The following C1QTNF3 variants were observed in gnomAD, a reference collection of about 807,000 sequenced individuals.
C1QTNF3 encodes C1q and TNF related 3, also known as complement C1q tumor necrosis factor-related protein 3.
A neutral mutation model predicts 32.6 loss-of-function variants in C1QTNF3; 26 were observed. That is an observed-to-expected ratio of 0.80 (90% confidence interval 0.58 to 1.11). The LOEUF (loss-of-function observed/expected upper bound fraction) is 1.11. C1QTNF3 is among the 50% of genes least tolerant of loss of function. The pLI is 0.00. For missense variants in C1QTNF3, 362 were observed against 398.2 expected, an observed-to-expected ratio of 0.91 and a Z score of 0.77; for synonymous variants, 155 against 146.0, an observed-to-expected ratio of 1.06 and a Z score of -0.44.
At chr5:34,213,368 C>T in the C1QTNF3 span, among the ~76,000 whole-genome samples, 4 of 151,736 alleles carry the variant, frequency 2.6e-5, no homozygotes, top group Admixed American at 6.6e-5. Context: ...TTAATGATTG[C>T]GTAAATATTT....
In C1QTNF3 at chr5:34,018,910, T is replaced by G. The variant is rs542703580; in HGVS notation, c.*1673A>C. On this transcript the variant is annotated 3_prime_UTR_variant, in exon 6 of 6. Transcript: ENST00000382065. ...GGAAGACCGAGGCAGGCAGATCACCTGAGGTCAGGAGTTCCAGACCGGCCT... is the reference window on the plus strand; with the variant it reads ...GGAAGACCGAGGCAGGCAGATCACCGGAGGTCAGGAGTTCCAGACCGGCCT... 6.6e-6 allele frequency among the ~76,000 whole-genome samples: 1 copy of G among 152,162 alleles called. No homozygotes were observed. Among genetic ancestry groups the G allele is most frequent in the South Asian group, 2.1e-4 (1 of 4,822 alleles).
upstream of C1QTNF3, among the ~76,000 whole-genome samples, chr5:34,047,303 G>A (rs577435369): frequency 3.9e-5 from 6 of 152,400 alleles, no homozygotes; most frequent in East Asian, 1.2e-3. Context: ...AGGTGCAGAT[G>A]CATATGAATA....
chr5:34,119,742 G>A, the C1QTNF3 span, among the ~76,000 whole-genome samples: 77,753 of 151,918 alleles, frequency 0.51, 22,015 homozygotes, highest in Non-Finnish European at 0.63. Context: ...AACCAGCTAC[G>A]GACAGTTGAG....
chr5:34,202,803 T>G, the C1QTNF3 span, among the ~76,000 whole-genome samples: 7 of 149,058 alleles, frequency 4.7e-5, no homozygotes, highest in Admixed American at 1.3e-4. Flanking sequence ...CAGTTTTTTG[T>G]TTTTTTTTTC....
At chr5:34,211,432 GCA>G in the C1QTNF3 span, among the ~76,000 whole-genome samples, 4 of 151,624 alleles carry the variant, frequency 2.6e-5, no homozygotes, top group Non-Finnish European at 5.9e-5. Flanking sequence ...GGGTACATGT[GCA>G]CAGTGTGCAG....
At chr5:34,102,989 TAAAAC>T in the C1QTNF3 span, among the ~76,000 whole-genome samples, 1 of 144,162 alleles carries the variant, frequency 6.9e-6, no homozygotes, top group Non-Finnish European at 1.6e-5. Context: ...ATTAAAAAAA[TAAAAC>T]AAAATGCCTC....
chr5:34,198,339 C>T, the C1QTNF3 span, among the ~76,000 whole-genome samples: 1 of 95,936 alleles, frequency 1.0e-5, no homozygotes, highest in South Asian at 3.6e-4. Flanking sequence ...CCAAAAGCTC[C>T]ACCTCCTACT....
the C1QTNF3 span, among the ~76,000 whole-genome samples, chr5:34,203,601 G>T: frequency 6.6e-6 from 1 of 151,428 alleles, no homozygotes; most frequent in Non-Finnish European, 1.5e-5. Flanking sequence ...CAGGAGAATC[G>T]CTTGAACCTG....
chr5:34,165,190 C>T, the C1QTNF3 span: 1 of 152,082 alleles, frequency 6.6e-6, no homozygotes, highest in Non-Finnish European at 1.5e-5. Flanking sequence ...GGCCTTTGGC[C>T]TCTGACTGAG....
the C1QTNF3 span, among the ~76,000 whole-genome samples, chr5:34,215,191 A>T: frequency 2.3e-4 from 35 of 152,294 alleles, no homozygotes; most frequent in East Asian, 6.4e-3. Context: ...AACCTTCAAC[A>T]TTACTTCACT....
chr5:34,149,576 T>C, the C1QTNF3 span, among the ~76,000 whole-genome samples: 1 of 2,250 alleles, frequency 4.4e-4, no homozygotes, highest in African/African-American at 2.5e-3. Context: ...AAAAGAATTT[T>C]CAACCCAGAA....
intron 5 of C1QTNF3, among the ~76,000 whole-genome samples, chr5:34,022,871 T>G (rs1193545721): frequency 1.3e-5 from 2 of 152,196 alleles, no homozygotes; most frequent in Non-Finnish European, 2.9e-5. Context: ...TTGTTTTGTT[T>G]TTGAGATGGA....
chr5:34,107,118 C>T, the C1QTNF3 span, among the ~76,000 whole-genome samples: 2 of 78,150 alleles, frequency 2.6e-5, no homozygotes, highest in South Asian at 3.9e-4. Context: ...GCATTTTAGA[C>T]TTCAATGGCG....
At chr5:34,069,438 C>G in the C1QTNF3 span, among the ~76,000 whole-genome samples, 1 of 152,106 alleles carries the variant, frequency 6.6e-6, no homozygotes, top group Non-Finnish European at 1.5e-5. Flanking sequence ...ATACTATCCC[C>G]TCTGTCACAA....
At chr5:34,108,388 T>C in the C1QTNF3 span, among the ~76,000 whole-genome samples, 1 of 152,294 alleles carries the variant, frequency 6.6e-6, no homozygotes, top group Non-Finnish European at 1.5e-5. Context: ...CTCTTATTTA[T>C]TGTGCTCTCC....
chr5:34,063,284 CTT>C, the C1QTNF3 span, among the ~76,000 whole-genome samples: 4 of 117,002 alleles, frequency 3.4e-5, no homozygotes, highest in East Asian at 2.1e-4. Context: ...TTCTCTCTCT[CTT>C]CCCTCTCTCT....
the C1QTNF3 span, among the ~76,000 whole-genome samples, chr5:34,177,486 T>TTA: frequency 3.9e-4 from 55 of 140,878 alleles, no homozygotes; most frequent in African/African-American, 1.4e-3. Flanking sequence ...CCAACTTTTT[T>TTA]TTTTTTTTTT....
the C1QTNF3 span, among the ~76,000 whole-genome samples, chr5:34,061,910 G>T: frequency 3.9e-5 from 6 of 152,198 alleles, no homozygotes; most frequent in Non-Finnish European, 8.8e-5. Context: ...AGCTGGCTTG[G>T]ATTTCTCCTC....
chr5:34,220,609 T>C, the C1QTNF3 span, among the ~76,000 whole-genome samples: 1 of 148,792 alleles, frequency 6.7e-6, no homozygotes, highest in Admixed American at 6.6e-5. Context: ...TTGTGTACTT[T>C]CTAAGTATGG....
Sources: gnomAD v4.1 joint callset for allele counts (sites outside exome capture counted in the v4.1 genomes callset) on GRCh38, gnomAD v4.1.1 for gene constraint, MANE v1.5 for transcripts, NCBI Gene and HGNC (gene_info 2026-07-23, HGNC 2026-07-21) for gene names.